The following CACNA2D3 variants were observed in gnomAD, a reference collection of about 807,000 sequenced individuals.
CACNA2D3 encodes voltage-dependent calcium channel subunit alpha-2/delta-3.
In CACNA2D3, 60 loss-of-function variants were observed where a neutral mutation model predicts 160.6. The observed-to-expected ratio is 0.37, with a 90% CI of 0.30 to 0.46. The LOEUF is 0.46. Ranked by LOEUF, CACNA2D3 falls within the 20% of genes least tolerant of loss-of-function variation. CACNA2D3 has a pLI of 1.00. For synonymous variants in CACNA2D3, 558 were observed against 492.9 expected (o/e 1.13, Z -1.75); for missense variants, 1,205 against 1,365.0 (o/e 0.88, Z 1.85).
intron 13 of CACNA2D3, among the ~76,000 whole-genome samples, chr3:54,789,675 T>G (rs1463015129): frequency 6.6e-6 from 1 of 152,238 alleles, no homozygotes; most frequent in Non-Finnish European, 1.5e-5. Flanking sequence ...TGCCTCTGTT[T>G]CATTTACTCA....
chr3:54,610,599 C>G (rs1022385448), intron 9 of CACNA2D3, among the ~76,000 whole-genome samples: 2 of 151,844 alleles, frequency 1.3e-5, no homozygotes, highest in Admixed American at 1.3e-4. Flanking sequence ...TTTCCAGGAC[C>G]CATGTTTTGG....
intron 8 of CACNA2D3, among the ~76,000 whole-genome samples, chr3:54,581,368 C>T (rs1186361081): frequency 1.3e-5 from 2 of 152,162 alleles, no homozygotes; most frequent in Non-Finnish European, 2.9e-5. Context: ...CTTATTCTGT[C>T]CCCACTTGTG....
chr3:54,210,379 GAATTAGCA>G lies in CACNA2D3; in HGVS notation c.204+86789_204+86796del, dbSNP rs144483253. The stretch of plus-strand genomic sequence containing the variant: ...ATTGCCTAGTGTACTTCCTTGTAGG[GAATTAGCA>G]AATCTATTTTAAAAATCTATACACT... On this transcript the variant is annotated intron_variant, in intron 2 of 37. Coordinates refer to ENST00000474759, the MANE Select transcript of CACNA2D3 (RefSeq NM_018398.3). Among the ~76,000 whole-genome samples the G allele has an allele frequency of 6.5e-3, 992 of 152,226 alleles. 12 individuals are homozygous for G. The highest frequency in any genetic ancestry group is 0.023 in the African/African-American group (935 of 41,524).
At chr3:54,438,999 C>T (rs1046490404) in intron 4 of CACNA2D3, among the ~76,000 whole-genome samples, 1 of 152,204 alleles carries the variant, frequency 6.6e-6, no homozygotes. Flanking sequence ...CCCAATCAGT[C>T]GACCAGGTGT....
intron 11 of CACNA2D3, among the ~76,000 whole-genome samples, chr3:54,654,838 C>A (rs571406645): frequency 6.6e-6 from 1 of 152,192 alleles, no homozygotes; most frequent in Non-Finnish European, 1.5e-5. Flanking sequence ...AGTGAAGAAA[C>A]CCTGCTAGGA....
intron 2 of CACNA2D3, among the ~76,000 whole-genome samples, chr3:54,300,675 A>C (rs1178979940): frequency 6.6e-6 from 1 of 152,168 alleles, no homozygotes; most frequent in East Asian, 1.9e-4. Context: ...CATTGTCACC[A>C]ATTCTGATTT....
At chr3:54,618,352 C>CATACATATATATATATAT (rs56316245) in intron 9 of CACNA2D3, among the ~76,000 whole-genome samples, 17 of 119,888 alleles carry the variant, frequency 1.4e-4, no homozygotes, top group African/African-American at 4.8e-4. Context: ...TTGATACATA[C>CATACATATATATATATAT]ATATATATAT....
chr3:54,707,011 C>G (rs1700867751), intron 11 of CACNA2D3, among the ~76,000 whole-genome samples: 1 of 152,200 alleles, frequency 6.6e-6, no homozygotes, highest in Non-Finnish European at 1.5e-5. Context: ...CACTTCTGCC[C>G]AAGTTATTTC....
intron 2 of CACNA2D3, among the ~76,000 whole-genome samples, chr3:54,199,544 AT>A (rs1320476922): frequency 1.3e-5 from 2 of 149,972 alleles, no homozygotes. Context: ...TAATTTTTTT[AT>A]TTTTTTTTGT....
chr3:54,366,208 G>A (rs937531963), intron 3 of CACNA2D3, among the ~76,000 whole-genome samples: 2 of 152,194 alleles, frequency 1.3e-5, no homozygotes, highest in African/African-American at 4.8e-5. Flanking sequence ...GGGGATATTT[G>A]ATTAGGGTGT....
chr3:54,419,531 C>T (rs1699806681), intron 4 of CACNA2D3, among the ~76,000 whole-genome samples: 1 of 152,168 alleles, frequency 6.6e-6, no homozygotes, highest in African/African-American at 2.4e-5. Context: ...CTTATGATTG[C>T]CACAAGTATC....
intron 4 of CACNA2D3, among the ~76,000 whole-genome samples, chr3:54,456,802 T>C (rs1410197509): frequency 6.6e-6 from 1 of 152,022 alleles, no homozygotes; most frequent in Non-Finnish European, 1.5e-5. Context: ...GTTTGAGTTT[T>C]CTATTTCTTC....
At chr3:54,964,890 C>T (rs1487327388) in intron 27 of CACNA2D3, among the ~76,000 whole-genome samples, 3 of 151,892 alleles carry the variant, frequency 2.0e-5, no homozygotes, top group Admixed American at 6.6e-5. Context: ...AGCTCAATCC[C>T]GTTACTCTCG....
At chr3:54,422,943 G>A (rs1398278873) in intron 4 of CACNA2D3, among the ~76,000 whole-genome samples, 8 of 152,278 alleles carry the variant, frequency 5.3e-5, no homozygotes, top group African/African-American at 1.9e-4. Context: ...TGGCCTATCC[G>A]TGGAATGGGA....
intron 3 of CACNA2D3, among the ~76,000 whole-genome samples, chr3:54,343,809 C>T (rs1698407820): frequency 6.6e-6 from 1 of 152,166 alleles, no homozygotes; most frequent in Non-Finnish European, 1.5e-5. Context: ...TAAAGAAGGA[C>T]ATAGGATACA....
At chr3:54,799,622 G>T (rs146734077) in intron 13 of CACNA2D3, among the ~76,000 whole-genome samples, 1 of 152,284 alleles carries the variant, frequency 6.6e-6, no homozygotes, top group African/African-American at 2.4e-5. Context: ...TCTTCTGAAG[G>T]ATTTTAATGC....
At chr3:54,840,403 CTTTTT>C (rs1174129020) in intron 16 of CACNA2D3, among the ~76,000 whole-genome samples, 3 of 73,444 alleles carry the variant, frequency 4.1e-5, no homozygotes, top group African/African-American at 1.7e-4. Context: ...AGAACCATGT[CTTTTT>C]TTTTTTTTTT....
chr3:54,680,441 A>T (rs1260333903), intron 11 of CACNA2D3, among the ~76,000 whole-genome samples: 1 of 152,204 alleles, frequency 6.6e-6, no homozygotes, highest in East Asian at 1.9e-4. Context: ...CAGATAGTAA[A>T]AATGTGCTTA....
chr3:54,793,071 T>C (rs774547338), intron 13 of CACNA2D3, among the ~76,000 whole-genome samples: 21 of 152,196 alleles, frequency 1.4e-4, no homozygotes, highest in Admixed American at 4.6e-4. Flanking sequence ...GGGAGACTTA[T>C]ACCTCTGAAG....
Sources: allele counts gnomAD v4.1 joint callset (sites outside exome capture counted in the v4.1 genomes callset), GRCh38; gene constraint gnomAD v4.1.1; transcripts MANE v1.5; gene names NCBI Gene and HGNC (gene_info 2026-07-23, HGNC 2026-07-21).